The following ZDHHC20 variants were observed in gnomAD, a reference collection of about 807,000 sequenced individuals.
The protein encoded by ZDHHC20 is zDHHC palmitoyltransferase 20, also known as palmitoyltransferase ZDHHC20.
In ZDHHC20, 43 loss-of-function variants were observed where a neutral mutation model predicts 57.8. The ratio of observed to expected loss-of-function variants is 0.74; its 90% CI spans 0.58 to 0.96. The LOEUF is 0.96. ZDHHC20 is among the 40% of genes least tolerant of loss of function. The probability of loss-of-function intolerance (pLI) is 0.00; values close to 1 mark genes in which losing one functional copy is unlikely to be tolerated. For synonymous variants in ZDHHC20, 157 were observed against 153.0 expected (o/e 1.03, Z -0.19); for missense variants, 391 against 441.1 (o/e 0.89, Z 1.02).
rs1407019760 is a variant in ZDHHC20, at chr13:21,391,649, T to G, written c.727+73A>C. The G allele has an allele frequency of 7.4e-6, 11 of 1,481,570 alleles. No homozygotes were observed. In the Admixed American group the frequency reaches 2.2e-4, roughly 29 times the overall value. The allele number at this position is 1,481,570 out of a possible 1,614,324, so 91.8% of individuals were successfully genotyped here. A position where few individuals can be genotyped will look rare whatever the true frequency, so the allele number is the denominator to read the frequency against. On this transcript the variant is annotated intron_variant, in intron 8 of 12. Coordinates refer to ENST00000400590, the MANE Select transcript of ZDHHC20 (RefSeq NM_001330059.2). The stretch of plus-strand genomic sequence containing the variant: ...TTACACTTCTGTATCATCTGACCCT[T>G]GTTCTTCTCTAGATTTCATATTTAT...
intron 1 of ZDHHC20, among the ~76,000 whole-genome samples, chr13:21,439,126 T>TTCCCACCAAGGTATGCCTGCAATTC (rs1882863243): frequency 6.6e-6 from 1 of 152,214 alleles, no homozygotes; most frequent in African/African-American, 2.4e-5. Context: ...ACCTGCAATT[T>TTCCCACCAAGGTATGCCTGCAATTC]TCCCACCAAG....
chr13:21,423,227 C>T (rs1207957824), intron 2 of ZDHHC20, among the ~76,000 whole-genome samples: 7 of 152,174 alleles, frequency 4.6e-5, no homozygotes, highest in Non-Finnish European at 1.0e-4. Context: ...AAGATAAAAT[C>T]GTAACCCTAA....
rs147593514 is a variant in ZDHHC20, at chr13:21,409,539, A to G, written c.370+4113T>C. ...GTCTGGCTAGTGGTCTATTTTGTTAATCTTTTTTAAAAGAGTCCCATATTT... is the reference window on the plus strand; with the variant it reads ...GTCTGGCTAGTGGTCTATTTTGTTAGTCTTTTTTAAAAGAGTCCCATATTT... On this transcript the variant is annotated intron_variant, in intron 4 of 12. Transcript: ENST00000400590. Among the ~76,000 whole-genome samples, 10 of 151,534 alleles carry G rather than the reference A, an allele frequency of 6.6e-5. No individual in the cohort carries two copies. In the East Asian group the frequency reaches 1.8e-3, roughly 27 times the overall value.
chr13:21,383,169 C>T (rs1399674212), intron 9 of ZDHHC20, among the ~76,000 whole-genome samples, 160 bp from the exon 10 acceptor site: 5 of 152,106 alleles, frequency 3.3e-5, no homozygotes, highest in African/African-American at 7.2e-5. Context: ...TACCTTGATA[C>T]GGTTTGGCTG....
At chr13:21,437,997 T>C (rs1003304072) in intron 1 of ZDHHC20, among the ~76,000 whole-genome samples, 1 of 152,220 alleles carries the variant, frequency 6.6e-6, no homozygotes, top group Non-Finnish European at 1.5e-5. Flanking sequence ...AGCGGCTTTA[T>C]TGAATATTTT....
Position 21,421,182 on chromosome 13 carries a change from A to G in ZDHHC20, c.146-18T>C, listed in dbSNP as rs779345300. 1.9e-6 allele frequency: 3 copies of G among 1,599,976 alleles called. No individual in the cohort carries two copies. Among genetic ancestry groups the G allele is most frequent in the East Asian group, 2.2e-5 (1 of 44,738 alleles). The stretch of plus-strand genomic sequence containing the variant: ...GGTCTTTCCTGGTAAATAAAAACAA[A>G]TAACAGTTCATTGAATCCAGGTGAA... On this transcript the variant is annotated intron_variant, in intron 2 of 12. Coordinates refer to ENST00000400590, the MANE Select transcript of ZDHHC20 (RefSeq NM_001330059.2).
At chr13:21,393,204 T>TTA (rs1300908566) in intron 7 of ZDHHC20, among the ~76,000 whole-genome samples, 2 of 151,264 alleles carry the variant, frequency 1.3e-5, no homozygotes, top group African/African-American at 2.4e-5. Context: ...TTTTTTTTTT[T>TTA]AAAGATACAA....
chr13:21,448,632 G>A lies in ZDHHC20; in HGVS notation c.118+10422C>T, dbSNP rs1884116589. ...CCCTGCCCGGCCGGCCGCCCCGTCCGGGAGGTGAGGGGCGCCTCTGCCCGG... is the reference window on the plus strand; with the variant it reads ...CCCTGCCCGGCCGGCCGCCCCGTCCAGGAGGTGAGGGGCGCCTCTGCCCGG... On this transcript the variant is annotated intron_variant, in intron 1 of 12. Transcript: ENST00000400590. Among the ~76,000 whole-genome samples, 15 of 99,344 alleles carry A rather than the reference G, an allele frequency of 1.5e-4. 5 individuals are homozygous for A. In the South Asian group the frequency reaches 4.4e-3, roughly 29 times the overall value. The allele number at this position is 99,344 out of a possible 152,430, so 65.2% of individuals were successfully genotyped here.
intron 1 of ZDHHC20, among the ~76,000 whole-genome samples, chr13:21,448,325 G>A (rs1420877462): frequency 1.4e-3 from 134 of 94,716 alleles, no homozygotes; most frequent in Non-Finnish European, 2.2e-3. Context: ...AGGTGGGGGG[G>A]TCAGCCCCCC....
chr13:21,379,071 A>C (rs1309465140), intron 11 of ZDHHC20, among the ~76,000 whole-genome samples: 1 of 152,174 alleles, frequency 6.6e-6, no homozygotes, highest in African/African-American at 2.4e-5. Context: ...GGCTGGCCTT[A>C]AACTTTGGAA....
chr13:21,414,577 T>C (rs1222686761), intron 3 of ZDHHC20, among the ~76,000 whole-genome samples: 1 of 141,882 alleles, frequency 7.0e-6, no homozygotes, highest in Non-Finnish European at 1.5e-5. Flanking sequence ...TTCACCGTGT[T>C]AGCCAGGATG....
chr13:21,450,539 G>A (rs1593287414), intron 1 of ZDHHC20, among the ~76,000 whole-genome samples: 1 of 152,036 alleles, frequency 6.6e-6, no homozygotes, highest in Middle Eastern at 3.4e-3. Flanking sequence ...TGGTAACACA[G>A]AAAATAATAC....
intron 7 of ZDHHC20, among the ~76,000 whole-genome samples, chr13:21,394,975 TTAATTA>T (rs1360397847): frequency 6.6e-6 from 1 of 152,206 alleles, no homozygotes; most frequent in East Asian, 1.9e-4. Context: ...ATTATATTCT[TTAATTA>T]TAATTATATT....
chr13:21,387,482 T>C, intron 9 of ZDHHC20, 26 bp downstream of exon 9: 1 of 1,473,710 alleles, frequency 6.8e-7, no homozygotes, highest in Non-Finnish European at 9.0e-7. Context: ...TGCCATAATC[T>C]CTGAGACCCA....
chr13:21,378,882 AT>A, intron 11 of ZDHHC20, 144 bp from the exon 12 acceptor site: 1 of 430,684 alleles, frequency 2.3e-6, no homozygotes, highest in Non-Finnish European at 4.0e-6. Context: ...TTGTCTTCTT[AT>A]AGAACCTAGA....
intron 4 of ZDHHC20, among the ~76,000 whole-genome samples, chr13:21,409,892 T>C (rs980413000): frequency 6.6e-5 from 10 of 152,214 alleles, no homozygotes; most frequent in African/African-American, 2.2e-4. Context: ...TGTCAATCTG[T>C]CAAACTCAAT....
At chr13:21,406,993 CACAA>C (rs1209540162) in intron 4 of ZDHHC20, among the ~76,000 whole-genome samples, 1 of 152,088 alleles carries the variant, frequency 6.6e-6, no homozygotes, top group Non-Finnish European at 1.5e-5. Context: ...TTTACACTCC[CACAA>C]ACAGTGTAAA....
chr13:21,402,461 A>G (rs560697540), intron 5 of ZDHHC20, among the ~76,000 whole-genome samples: 1 of 152,222 alleles, frequency 6.6e-6, no homozygotes, highest in African/African-American at 2.4e-5. Context: ...TGTTACTAAA[A>G]GTCAAGGATT....
intron 1 of ZDHHC20, among the ~76,000 whole-genome samples, chr13:21,441,020 T>A (rs1261218999): frequency 6.6e-6 from 1 of 152,214 alleles, no homozygotes; most frequent in Non-Finnish European, 1.5e-5. Context: ...TGGTTTAAAA[T>A]CTGGGGGATT....
Sources: gnomAD v4.1 joint callset for allele counts (sites outside exome capture counted in the v4.1 genomes callset) on GRCh38, gnomAD v4.1.1 for gene constraint, MANE v1.5 for transcripts, NCBI Gene and HGNC (gene_info 2026-07-23, HGNC 2026-07-21) for gene names.